The following OR4N2 variants were observed in gnomAD, a reference collection of about 807,000 sequenced individuals.
OR4N2 encodes the protein olfactory receptor 4N2.
For missense variants in OR4N2, 307 were observed against 377.6 expected (o/e 0.81, Z 1.55); for synonymous variants, 141 against 140.4 (o/e 1.00, Z -0.03).
chr14:19,826,336 A>G (rs1364750286), intron 1 of OR4N2, among the ~76,000 whole-genome samples: 3 of 152,270 alleles, frequency 2.0e-5, no homozygotes, highest in Non-Finnish European at 1.5e-5. Flanking sequence ...TAACAATATT[A>G]TTTTTAGTTA....
rs763485356 is a variant in OR4N2, at chr14:19,827,434, C to T, written c.-9-6C>T. 6 of 1,564,344 alleles carry T rather than the reference C, an allele frequency of 3.8e-6. No homozygotes were observed. Among genetic ancestry groups the T allele is most frequent in the Non-Finnish European group, 5.2e-6 (6 of 1,157,118 alleles). On this transcript the variant is annotated splice_region_variant and splice_polypyrimidine_tract_variant and intron_variant, in intron 1 of 1. Coordinates refer to ENST00000557677, the MANE Select transcript of OR4N2 (RefSeq NM_001004723.3). ...ACAATTAATTCTGCTTCTTAATGTA[C>T]TGCAGGCCAGGGAAATGGAAAGCGA...
chr14:19,805,131 T>A (rs1169585733), intron 1 of OR4N2, among the ~76,000 whole-genome samples: 1 of 152,200 alleles, frequency 6.6e-6, no homozygotes, highest in Non-Finnish European at 1.5e-5. Context: ...TACAGTTGGG[T>A]CTTGCTTCTT....
chr14:19,805,711 T>G (rs1879147625), intron 1 of OR4N2, among the ~76,000 whole-genome samples: 1 of 152,166 alleles, frequency 6.6e-6, no homozygotes, highest in Non-Finnish European at 1.5e-5. Flanking sequence ...CTAGAGAGGA[T>G]GATATGCAAA....
intron 1 of OR4N2, among the ~76,000 whole-genome samples, chr14:19,814,883 C>T: frequency 6.6e-6 from 1 of 152,146 alleles, no homozygotes; most frequent in East Asian, 1.9e-4. Context: ...CCTGTGTTCT[C>T]ATTGTTCAAC....
In OR4N2 at chr14:19,827,431, G is replaced by A; in HGVS notation, c.-9-9G>A. The A allele has an allele frequency of 6.4e-7, 1 of 1,557,008 alleles. No homozygotes were observed. The highest frequency in any genetic ancestry group is 8.7e-7 in the Non-Finnish European group (1 of 1,153,840). Reference sequence around the variant, plus strand: ...ATAACAATTAATTCTGCTTCTTAATGTACTGCAGGCCAGGGAAATGGAAAG... The same window carrying A: ...ATAACAATTAATTCTGCTTCTTAATATACTGCAGGCCAGGGAAATGGAAAG... On this transcript the variant is annotated splice_polypyrimidine_tract_variant and intron_variant, in intron 1 of 1. Coordinates refer to ENST00000557677, the MANE Select transcript of OR4N2 (RefSeq NM_001004723.3).
At chr14:19,807,823 C>A (rs1362398540) in intron 1 of OR4N2, among the ~76,000 whole-genome samples, 1 of 152,148 alleles carries the variant, frequency 6.6e-6, no homozygotes, top group Admixed American at 6.5e-5. Context: ...AATACAGATG[C>A]AAATATCATC....
Position 19,827,824 on chromosome 14 carries a change from A to G in OR4N2, c.376A>G (p.Ile126Val), listed in dbSNP as rs757971544. 6.2e-7 allele frequency: 1 copy of G among 1,614,114 alleles called. No individual in the cohort carries two copies. Among genetic ancestry groups the G allele is most frequent in the Non-Finnish European group, 8.5e-7 (1 of 1,180,050 alleles). Reference protein sequence around the residue: ...VVMAFDRYIAICRPLHYPTVM... With the variant: ...VVMAFDRYIAVCRPLHYPTVM... ...GATGGCCTTTGACCGCTACATCGCC[A>G]TCTGCCGGCCTCTGCACTATCCTAC... is the stretch of plus-strand genomic sequence containing the variant. Residue 126 changes from isoleucine (I) to valine (V), a missense_variant, in exon 2 of 2, where the codon ATC becomes GTC. Coordinates refer to ENST00000557677, the MANE Select transcript of OR4N2 (RefSeq NM_001004723.3).
intron 1 of OR4N2, among the ~76,000 whole-genome samples, chr14:19,804,061 G>A (rs899729659): frequency 7.2e-5 from 11 of 152,160 alleles, no homozygotes; most frequent in African/African-American, 2.7e-4. Flanking sequence ...TGTCATTTCT[G>A]ACTGTGTTTA....
chr14:19,815,974 G>C (rs1331398478), intron 1 of OR4N2, among the ~76,000 whole-genome samples: 2 of 152,208 alleles, frequency 1.3e-5, no homozygotes, highest in Non-Finnish European at 2.9e-5. Flanking sequence ...CCCATTGCTT[G>C]CTTTTGTCAG....
At chr14:19,811,844 A>C (rs1879304451) in intron 1 of OR4N2, among the ~76,000 whole-genome samples, 1 of 152,276 alleles carries the variant, frequency 6.6e-6, no homozygotes, top group Non-Finnish European at 1.5e-5. Context: ...CAACCATTAT[A>C]ACATATGATG....
intron 1 of OR4N2, among the ~76,000 whole-genome samples, chr14:19,822,975 CT>C (rs1303685679): frequency 1.3e-5 from 2 of 152,194 alleles, no homozygotes; most frequent in African/African-American, 2.4e-5. Context: ...ATTACATTGC[CT>C]AAAAAACTGG....
intron 1 of OR4N2, among the ~76,000 whole-genome samples, chr14:19,804,619 G>C (rs1420086301): frequency 2.6e-5 from 4 of 152,200 alleles, no homozygotes; most frequent in African/African-American, 7.2e-5. Context: ...ATGATCGATT[G>C]TGTGGCTGAT....
intron 1 of OR4N2, among the ~76,000 whole-genome samples, chr14:19,813,687 T>C (rs1032420337): frequency 2.0e-5 from 3 of 152,322 alleles, no homozygotes; most frequent in Admixed American, 6.5e-5. Flanking sequence ...ATAGAAATTC[T>C]AGTTACTCAC....
chr14:19,827,957 G>A lies in OR4N2; in HGVS notation c.509G>A (p.Gly170Asp). 6.2e-7 allele frequency: 1 copy of A among 1,614,146 alleles called. No homozygotes were observed. Among genetic ancestry groups the A allele is most frequent in the South Asian group, 1.1e-5 (1 of 91,086 alleles). The change falls in exon 2 of 2, where the codon GGC (glycine) becomes GAC (aspartate). Residue 170 changes from glycine (G) to aspartate (D), a missense_variant. By Grantham distance (94) the Gly-to-Asp change is moderately conservative (BLOSUM62 -1). Transcript: ENST00000557677. ...VVLILRLPFC[G>D]PNQLDNFFCD... is the part of the protein sequence containing the mutation. ...CTCATCCTCCGCTTGCCTTTTTGTG[G>A]CCCAAACCAGCTGGACAACTTCTTC... is the stretch of plus-strand genomic sequence containing the variant.
intron 1 of OR4N2, among the ~76,000 whole-genome samples, chr14:19,826,704 T>A (rs181337166): frequency 8.5e-5 from 13 of 152,370 alleles, no homozygotes; most frequent in Admixed American, 7.8e-4. Flanking sequence ...GTGTTGTGAG[T>A]TTATTAATAT....
Position 19,821,178 on chromosome 14 carries a change from G to A in OR4N2, c.-9-6262G>A, listed in dbSNP as rs1336195144. On this transcript the variant is annotated intron_variant, in intron 1 of 1. Coordinates refer to ENST00000557677, the MANE Select transcript of OR4N2 (RefSeq NM_001004723.3). ...GTCTCTCACGGCTTCCCTTGGCTGG[G>A]GAGGGAGTTCCCTGAACCCTTCCAC... 3.3e-5 allele frequency among the ~76,000 whole-genome samples: 5 copies of A among 152,388 alleles called. No homozygotes were observed. In the South Asian group the frequency reaches 8.3e-4, roughly 25 times the overall value.
At chr14:19,817,355 G>A (rs1879452314) in intron 1 of OR4N2, among the ~76,000 whole-genome samples, 1 of 152,340 alleles carries the variant, frequency 6.6e-6, no homozygotes, top group South Asian at 2.1e-4. Context: ...ATTAATTACT[G>A]CCTCGATTTC....
At chr14:19,815,950 T>C (rs1191271037) in intron 1 of OR4N2, among the ~76,000 whole-genome samples, 1 of 152,254 alleles carries the variant, frequency 6.6e-6, no homozygotes, top group Non-Finnish European at 1.5e-5. Context: ...ATTTATTAAA[T>C]AGGGAATCCT....
chr14:19,805,969 C>G lies in OR4N2; in HGVS notation c.-10+2125C>G, dbSNP rs369236103. Among the ~76,000 whole-genome samples, 48 of 152,158 alleles carry G rather than the reference C, an allele frequency of 3.2e-4. No homozygotes were observed. The East Asian group carries it at 8.7e-3, about 28-fold the overall frequency. On this transcript the variant is annotated intron_variant, in intron 1 of 1. Coordinates refer to ENST00000557677, the MANE Select transcript of OR4N2 (RefSeq NM_001004723.3). ...TCCAACCAAGAATTTCATATCCCACCCAAACTTAGCTTCATAAGTGAAGGA... is the reference window on the plus strand; with the variant it reads ...TCCAACCAAGAATTTCATATCCCACGCAAACTTAGCTTCATAAGTGAAGGA...
Sources: gnomAD v4.1 joint callset for allele counts (sites outside exome capture counted in the v4.1 genomes callset) on GRCh38, gnomAD v4.1.1 for gene constraint, MANE v1.5 for transcripts, NCBI Gene and HGNC (gene_info 2026-07-23, HGNC 2026-07-21) for gene names.